The following GRIA4 variants were observed in gnomAD, a reference collection of about 807,000 sequenced individuals.
The protein encoded by GRIA4 is glutamate ionotropic receptor AMPA type subunit 4, also known as glutamate receptor 4.
In GRIA4, 34 loss-of-function variants were observed where a neutral mutation model predicts 104.0. That is an observed-to-expected ratio of 0.33 (90% confidence interval 0.25 to 0.44). The LOEUF (loss-of-function observed/expected upper bound fraction) is 0.44. Among genes scored for constraint, GRIA4 ranks in the 20% least tolerant of loss-of-function variants. The probability of loss-of-function intolerance (pLI) is 1.00; values close to 1 mark genes in which losing one functional copy is unlikely to be tolerated. For missense variants in GRIA4, 750 were observed against 1,096.5 expected (o/e 0.68, Z 4.46); for synonymous variants, 386 against 381.9 (o/e 1.01, Z -0.13).
chr11:105,794,669 T>C (rs1375405130), intron 4 of GRIA4, among the ~76,000 whole-genome samples: 3 of 149,818 alleles, frequency 2.0e-5, no homozygotes, highest in East Asian at 4.0e-4. Context: ...TAGTAATAAA[T>C]AGGGATTCAA....
intron 3 of GRIA4, among the ~76,000 whole-genome samples, chr11:105,732,383 G>A (rs912144455): frequency 4.6e-5 from 7 of 152,148 alleles, no homozygotes; most frequent in African/African-American, 9.7e-5. Flanking sequence ...GTTGTGTGGA[G>A]AGTGTGAAAG....
chr11:105,945,878 C>T (rs995537381), intron 14 of GRIA4, among the ~76,000 whole-genome samples: 9 of 152,100 alleles, frequency 5.9e-5, no homozygotes, highest in Admixed American at 4.6e-4. Flanking sequence ...AACAATAGTG[C>T]TCACAAAAAT....
intron 4 of GRIA4, among the ~76,000 whole-genome samples, chr11:105,823,691 A>G (rs1192923565): frequency 6.6e-6 from 1 of 152,100 alleles, no homozygotes; most frequent in African/African-American, 2.4e-5. Context: ...CTGACAATGG[A>G]GTTTGATGCT....
At chr11:105,630,305 C>T (rs180993511) in intron 3 of GRIA4, among the ~76,000 whole-genome samples, 1 of 152,296 alleles carries the variant, frequency 6.6e-6, no homozygotes, top group Non-Finnish European at 1.5e-5. Flanking sequence ...GTGGCTCATG[C>T]CTGTAATCCC....
intron 4 of GRIA4, among the ~76,000 whole-genome samples, chr11:105,839,364 T>C (rs990349212): frequency 6.6e-6 from 1 of 152,112 alleles, no homozygotes; most frequent in Non-Finnish European, 1.5e-5. Flanking sequence ...CTGATATGCC[T>C]TCCATTATGT....
chr11:105,670,009 A>ATG (rs1952309164), intron 3 of GRIA4, among the ~76,000 whole-genome samples: 1 of 152,154 alleles, frequency 6.6e-6, no homozygotes, highest in African/African-American at 2.4e-5. Context: ...TGCATTTAAA[A>ATG]TGTAGGCTGT....
chr11:105,741,973 A>G (rs1939336570), intron 3 of GRIA4, among the ~76,000 whole-genome samples: 1 of 152,094 alleles, frequency 6.6e-6, no homozygotes, highest in South Asian at 2.1e-4. Context: ...TATATTGAAA[A>G]TATGCTGAGA....
At chr11:105,808,109 C>T (rs890444294) in intron 4 of GRIA4, among the ~76,000 whole-genome samples, 2 of 151,596 alleles carry the variant, frequency 1.3e-5, no homozygotes, top group Non-Finnish European at 3.0e-5. Context: ...TAGTGTTGTT[C>T]GTGTGTGTGT....
At chr11:105,623,868 C>T (rs909982602) in intron 3 of GRIA4, among the ~76,000 whole-genome samples, 1 of 152,136 alleles carries the variant, frequency 6.6e-6, no homozygotes, top group Admixed American at 6.6e-5. Flanking sequence ...CTGTGTCTGA[C>T]TTTTTAAACG....
At chr11:105,693,353 G>A (rs923342811) in intron 3 of GRIA4, among the ~76,000 whole-genome samples, 2 of 152,154 alleles carry the variant, frequency 1.3e-5, no homozygotes, top group East Asian at 3.9e-4. Context: ...AAACTTGTAT[G>A]AGATTATGGA....
intron 5 of GRIA4, among the ~76,000 whole-genome samples, chr11:105,866,058 C>A (rs1043046373): frequency 5.3e-5 from 8 of 152,166 alleles, no homozygotes; most frequent in Admixed American, 5.2e-4. Flanking sequence ...TACATTATAT[C>A]TCCCAAATTA....
chr11:105,767,396 T>A (rs184347978), intron 4 of GRIA4, among the ~76,000 whole-genome samples: 1 of 152,128 alleles, frequency 6.6e-6, no homozygotes, highest in Non-Finnish European at 1.5e-5. Context: ...ATATAAGAAG[T>A]GTATATTATG....
chr11:105,866,551 G>GTATATATATATATATATA (rs71041633), intron 5 of GRIA4, among the ~76,000 whole-genome samples: 79 of 76,672 alleles, frequency 1.0e-3, no homozygotes, highest in African/African-American at 3.5e-3. Context: ...GTGTGTGTGT[G>GTATATATATATATATATA]TATATATATA....
intron 3 of GRIA4, among the ~76,000 whole-genome samples, chr11:105,616,985 A>G (rs1436564867): frequency 6.6e-6 from 1 of 151,182 alleles, no homozygotes; most frequent in Non-Finnish European, 1.5e-5. Flanking sequence ...TATATATTTG[A>G]TGTATTTTAG....
intron 3 of GRIA4, among the ~76,000 whole-genome samples, chr11:105,668,221 TA>T (rs1565449431): frequency 1.0e-5 from 1 of 97,624 alleles, no homozygotes; most frequent in South Asian, 3.1e-4. Context: ...CACACACATA[TA>T]ATATATATAT....
intron 3 of GRIA4, among the ~76,000 whole-genome samples, chr11:105,698,869 G>C (rs1953382485): frequency 6.6e-6 from 1 of 152,202 alleles, no homozygotes; most frequent in South Asian, 2.1e-4. Context: ...TAGTTTTGCA[G>C]CTGCAACTGC....
At chr11:105,777,588 T>C (rs1219105309) in intron 4 of GRIA4, among the ~76,000 whole-genome samples, 1 of 152,182 alleles carries the variant, frequency 6.6e-6, no homozygotes, top group East Asian at 1.9e-4. Flanking sequence ...CAATGGTACC[T>C]AAAATAATAG....
At chr11:105,878,553 G>T (rs1244287055) in intron 5 of GRIA4, among the ~76,000 whole-genome samples, 1 of 152,204 alleles carries the variant, frequency 6.6e-6, no homozygotes, top group Non-Finnish European at 1.5e-5. Flanking sequence ...ACAGGGAGAT[G>T]GGAGTTTTAC....
At chr11:105,810,910 A>G (rs1340862619) in intron 4 of GRIA4, among the ~76,000 whole-genome samples, 1 of 152,040 alleles carries the variant, frequency 6.6e-6, no homozygotes, top group Non-Finnish European at 1.5e-5. Context: ...TGTGTTAAGC[A>G]TTTTTTTTAA....
Sources: allele counts gnomAD v4.1 joint callset (sites outside exome capture counted in the v4.1 genomes callset), GRCh38; gene constraint gnomAD v4.1.1; transcripts MANE v1.5; gene names NCBI Gene and HGNC (gene_info 2026-07-23, HGNC 2026-07-21).